Variants in DENND10 observed in about 807,000 individuals in gnomAD.
DENND10 encodes DENN domain containing 10.
Under a neutral mutation model 43.6 loss-of-function variants are expected in DENND10, and 24 were observed. The observed-to-expected ratio is 0.55, with a 90% CI of 0.40 to 0.77. The LOEUF is 0.77. DENND10 is among the 30% of genes least tolerant of loss of function. The pLI is 0.00. For synonymous variants in DENND10, 125 were observed against 157.6 expected, an observed-to-expected ratio of 0.79 and a Z score of 1.55; for missense variants, 303 against 429.9, an observed-to-expected ratio of 0.70 and a Z score of 2.61.
intron 5 of DENND10, among the ~76,000 whole-genome samples, chr10:119,122,893 C>T (rs1845641886): frequency 6.6e-6 from 1 of 152,162 alleles, no homozygotes; most frequent in South Asian, 2.1e-4. Flanking sequence ...AGAAGCGTCA[C>T]TCTTTGCTAC....
chr10:119,123,672 C>T (rs1404618155), intron 6 of DENND10, 103 bp downstream of exon 6: 10 of 864,148 alleles, frequency 1.2e-5, no homozygotes, highest in East Asian at 5.4e-5. Flanking sequence ...TGCAATGGCA[C>T]GATCTTAGCT....
chr10:119,122,602 G>A (rs569413791), intron 5 of DENND10, among the ~76,000 whole-genome samples: 20 of 152,162 alleles, frequency 1.3e-4, no homozygotes, highest in African/African-American at 4.3e-4. Context: ...AAACTGGAGC[G>A]GTCACAGCTT....
intron 4 of DENND10, among the ~76,000 whole-genome samples, chr10:119,118,699 C>T (rs770302816): frequency 6.6e-6 from 1 of 151,856 alleles, no homozygotes; most frequent in Non-Finnish European, 1.5e-5. Flanking sequence ...GAGACAGGGT[C>T]TTGCTTTGTT....
intron 2 of DENND10, among the ~76,000 whole-genome samples, chr10:119,108,569 AAAT>A (rs1844817690): frequency 6.6e-6 from 1 of 152,070 alleles, no homozygotes; most frequent in African/African-American, 2.4e-5. Context: ...TTCATTCTAT[AAAT>A]ATTTATTGTT....
chr10:119,116,480 G>T (rs145831193), intron 3 of DENND10, among the ~76,000 whole-genome samples: 3 of 152,124 alleles, frequency 2.0e-5, no homozygotes, highest in Admixed American at 6.6e-5. Flanking sequence ...GTATGACTGA[G>T]AACCCCAGTT....
chr10:119,123,603 C>CA, intron 6 of DENND10, 34 bp downstream of exon 6: 10 of 1,183,490 alleles, frequency 8.4e-6, no homozygotes, highest in Non-Finnish European at 1.2e-5. Context: ...GGAACTGTTT[C>CA]ACTTTTTTTT....
chr10:119,117,720 C>G, intron 4 of DENND10, 53 bp downstream of exon 4: 1 of 1,582,698 alleles, frequency 6.3e-7, no homozygotes, highest in Non-Finnish European at 8.6e-7. Flanking sequence ...GTAATCCCAA[C>G]ACTTTGGGAG....
intron 5 of DENND10, among the ~76,000 whole-genome samples, chr10:119,121,546 C>T (rs556343564): frequency 6.6e-5 from 10 of 151,434 alleles, no homozygotes; most frequent in African/African-American, 2.4e-4. Flanking sequence ...CATCCACCTC[C>T]CGTGTTCAAG....
chr10:119,104,477 C>G lies in DENND10; in HGVS notation c.55+280C>G, dbSNP rs567383397. 3.8e-4 allele frequency among the ~76,000 whole-genome samples: 57 copies of G among 151,190 alleles called. No individual in the cohort carries two copies. The South Asian group carries it at 0.012, about 31-fold the overall frequency. On this transcript the variant is annotated intron_variant, in intron 1 of 8. Transcript: ENST00000361432. ...CCAAGATTCCGGGGTGGAGCTCCCCCTGCACGCCCCGGGTTGCCCGGCGGA... is the reference window on the plus strand; with the variant it reads ...CCAAGATTCCGGGGTGGAGCTCCCCGTGCACGCCCCGGGTTGCCCGGCGGA...
In DENND10 at chr10:119,132,078, G is replaced by A. The variant is rs1030116085; in HGVS notation, c.803-437G>A. 6.6e-6 allele frequency among the ~76,000 whole-genome samples: 1 copy of A among 152,138 alleles called. No homozygotes were observed. Among genetic ancestry groups the A allele is most frequent in the Non-Finnish European group, 1.5e-5 (1 of 68,018 alleles). The stretch of plus-strand genomic sequence containing the variant: ...TTCTAAGAATCTAAACGAATTGAGC[G>A]CCCAGCTGGCTTCTGCAGAACTGAC... On this transcript the variant is annotated intron_variant, in intron 7 of 8. Coordinates refer to ENST00000361432, the MANE Select transcript of DENND10 (RefSeq NM_207009.4). The surrounding 1 kb of genome is among the most constrained non-coding windows in gnomAD (Gnocchi z 4.2).
At chr10:119,107,910 T>C in intron 1 of DENND10, 58 bp from the exon 2 acceptor site, 1 of 1,490,840 alleles carries the variant, frequency 6.7e-7, no homozygotes, top group Non-Finnish European at 9.4e-7. Context: ...GAGTAACCAA[T>C]CAATTCACTT....
Position 119,137,473 on chromosome 10 carries a change from C to T in DENND10, c.*826C>T, listed in dbSNP as rs186323981. On this transcript the variant is annotated 3_prime_UTR_variant, in exon 9 of 9. Coordinates refer to ENST00000361432, the MANE Select transcript of DENND10 (RefSeq NM_207009.4). ...AAGGGAATATGAGATTAACTTCCTA[C>T]AGGGGCCAAAACCAGAGAAAGGCTT... The T allele has an allele frequency of 4.6e-3, 773 of 166,924 alleles. 6 individuals are homozygous for T. Among genetic ancestry groups the T allele is most frequent in the Non-Finnish European group, 8.1e-3 (554 of 68,076 alleles). 10.3% of individuals were successfully genotyped at this position (166,924 alleles called of 1,614,324 possible).
At chr10:119,104,292 C>A in intron 1 of DENND10, 95 bp downstream of exon 1, 2 of 1,237,404 alleles carry the variant, frequency 1.6e-6, no homozygotes, top group Non-Finnish European at 1.1e-6. Context: ...CGGCCCCCGG[C>A]GCCGACCGCA....
At chr10:119,105,922 G>A (rs903192390) in intron 1 of DENND10, among the ~76,000 whole-genome samples, 5 of 152,092 alleles carry the variant, frequency 3.3e-5, no homozygotes, top group African/African-American at 9.7e-5. Context: ...GAGGCCAGGC[G>A]TGGTGGCTCA....
chr10:119,112,993 G>A (rs1845049986), intron 3 of DENND10, among the ~76,000 whole-genome samples: 1 of 151,792 alleles, frequency 6.6e-6, no homozygotes, highest in South Asian at 2.1e-4. Flanking sequence ...GAGATTACAG[G>A]TGGGTGCCAC....
intron 3 of DENND10, among the ~76,000 whole-genome samples, chr10:119,116,490 T>A (rs529079968): frequency 9.2e-5 from 14 of 152,280 alleles, no homozygotes; most frequent in African/African-American, 3.1e-4. Context: ...GAACCCCAGT[T>A]GTGAATGTAA....
intron 6 of DENND10, among the ~76,000 whole-genome samples, chr10:119,128,507 C>G (rs1845931685): frequency 6.6e-6 from 1 of 151,664 alleles, no homozygotes; most frequent in Admixed American, 6.6e-5. Context: ...ACTCAGGAGG[C>G]TGGGGCAGGA....
chr10:119,122,503 G>C (rs1845623063), intron 5 of DENND10, among the ~76,000 whole-genome samples: 1 of 152,108 alleles, frequency 6.6e-6, no homozygotes, highest in Non-Finnish European at 1.5e-5. Flanking sequence ...TTTTAAGTGA[G>C]AGAGACAGAA....
chr10:119,129,715 C>A, intron 7 of DENND10, 93 bp downstream of exon 7: 1 of 802,224 alleles, frequency 1.2e-6, no homozygotes, highest in Non-Finnish European at 2.1e-6. Context: ...TGAGGGCTGG[C>A]TTACCAACTC....
Sources: allele counts gnomAD v4.1 joint callset (sites outside exome capture counted in the v4.1 genomes callset), GRCh38; gene constraint gnomAD v4.1.1; non-coding constraint Gnocchi (gnomAD v3.1); transcripts MANE v1.5; gene names NCBI Gene and HGNC (gene_info 2026-07-23, HGNC 2026-07-21).